Variants in FAM227A observed in about 807,000 individuals in gnomAD.
The protein encoded by FAM227A is protein FAM227A.
Under a neutral mutation model 74.7 loss-of-function variants are expected in FAM227A, and 80 were observed. The observed-to-expected ratio is 1.07, with a 90% CI of 0.89 to 1.29. The LOEUF is 1.29. FAM227A is among the 50% of genes most tolerant of loss of function. The probability of loss-of-function intolerance (pLI) is 0.00; values close to 1 mark genes in which losing one functional copy is unlikely to be tolerated. For missense variants in FAM227A, 654 were observed against 683.4 expected (o/e 0.96, Z 0.48); for synonymous variants, 237 against 241.8 (o/e 0.98, Z 0.19).
rs1316291557 is a variant in FAM227A at position 38,638,803 on chromosome 22, A to C, written c.315T>G (p.Ser105=). ...PEDKVKRQRK[S]QYSCKGSELR... is the part of the protein sequence containing the mutation. Reference sequence around the variant, plus strand: ...GTTCGGAGCCTTTGCAGGAATACTGAGATTTCCTTTGTCTCTTGACTGCAG... The same window carrying C: ...GTTCGGAGCCTTTGCAGGAATACTGCGATTTCCTTTGTCTCTTGACTGCAG... Residue 105 remains serine, a synonymous_variant, in exon 5 of 17, where the codon TCT becomes TCG. Coordinates refer to ENST00000535113, the MANE Select transcript of FAM227A (RefSeq NM_001013647.2). 4 of 1,539,836 alleles carry C rather than the reference A, an allele frequency of 2.6e-6. No homozygotes were observed. The highest frequency in any genetic ancestry group is 3.5e-6 in the Non-Finnish European group (4 of 1,143,532).
chr22:38,591,619 C>T, intron 15 of FAM227A, 79 bp from the exon 16 acceptor site: 1 of 949,584 alleles, frequency 1.1e-6, no homozygotes, highest in Non-Finnish European at 1.5e-6. Context: ...GTCCTATAAA[C>T]TGATAGATCC....
intron 11 of FAM227A, among the ~76,000 whole-genome samples, chr22:38,619,878 G>A (rs994914797): frequency 4.6e-5 from 7 of 152,134 alleles, no homozygotes; most frequent in South Asian, 2.1e-4. Context: ...TATCAGGGAT[G>A]ACTGCTAGGT....
intron 6 of FAM227A, among the ~76,000 whole-genome samples, chr22:38,634,673 C>G (rs1200105863): frequency 6.6e-6 from 1 of 152,164 alleles, no homozygotes; most frequent in African/African-American, 2.4e-5. Flanking sequence ...GTACACTGTC[C>G]TGTAGGGAAC....
At chr22:38,642,843 G>A (rs2092145192) in intron 3 of FAM227A, among the ~76,000 whole-genome samples, 1 of 152,154 alleles carries the variant, frequency 6.6e-6, no homozygotes, top group Non-Finnish European at 1.5e-5. Flanking sequence ...GGCTGAGGCA[G>A]GAGAATCGTT....
chr22:38,652,818 A>C (rs920104108), intron 1 of FAM227A, among the ~76,000 whole-genome samples: 1 of 146,480 alleles, frequency 6.8e-6, no homozygotes, highest in Non-Finnish European at 1.5e-5. Context: ...CGGGGCTTGC[A>C]GTGAGCCGAG....
At chr22:38,604,663 ATT>A (rs1184608911) in intron 13 of FAM227A, among the ~76,000 whole-genome samples, 1 of 151,660 alleles carries the variant, frequency 6.6e-6, no homozygotes, top group Admixed American at 6.6e-5. Context: ...TTTTTTATTT[ATT>A]TTTTTTGAGA....
chr22:38,630,109 C>T (rs962785126), intron 6 of FAM227A, among the ~76,000 whole-genome samples: 3 of 151,256 alleles, frequency 2.0e-5, no homozygotes, highest in Non-Finnish European at 4.4e-5. Flanking sequence ...TTAACCATCA[C>T]TCACACACAG....
Position 38,628,936 on chromosome 22 carries a change from C to T in FAM227A, c.520-1G>A, listed in dbSNP as rs1346514291. On this transcript the variant is annotated splice_acceptor_variant, in intron 6 of 16. Coordinates refer to ENST00000535113, the MANE Select transcript of FAM227A (RefSeq NM_001013647.2). LOFTEE classifies it high-confidence loss of function. Reference sequence around the variant, plus strand: ...CTAATTCTCTACCTGAACAGAAATGCTTGGAAAAAAAAATTCACAGTATTA... The same window carrying T: ...CTAATTCTCTACCTGAACAGAAATGTTTGGAAAAAAAAATTCACAGTATTA... 4 of 1,473,338 alleles carry T rather than the reference C, an allele frequency of 2.7e-6. No individual in the cohort carries two copies. In the Admixed American group the frequency reaches 9.8e-5, roughly 36 times the overall value. The allele number at this position is 1,473,338 out of a possible 1,614,324, so 91.3% of individuals were successfully genotyped here. A position where few individuals can be genotyped will look rare whatever the true frequency, so the allele number is the denominator to read the frequency against.
At chr22:38,626,888 AAAAATATATATATATAT>A (rs1310896971) in intron 8 of FAM227A, among the ~76,000 whole-genome samples, 29 of 107,348 alleles carry the variant, frequency 2.7e-4, no homozygotes, top group African/African-American at 1.1e-3. Context: ...AAAAAAAAAA[AAAAATATATATATATAT>A]ATATATATAC....
chr22:38,597,544 G>C (rs892018289), intron 14 of FAM227A, among the ~76,000 whole-genome samples, 188 bp from the exon 15 acceptor site: 5 of 152,148 alleles, frequency 3.3e-5, no homozygotes, highest in African/African-American at 1.2e-4. Context: ...ACCATGGCCT[G>C]CTTTGGAGGG....
chr22:38,651,033 G>C (rs1358203951), intron 1 of FAM227A, among the ~76,000 whole-genome samples: 1 of 152,068 alleles, frequency 6.6e-6, no homozygotes, highest in Non-Finnish European at 1.5e-5. Context: ...CTCTCCTCCG[G>C]TTCAGGCCTT....
At chr22:38,599,652 G>T (rs1285127016) in intron 14 of FAM227A, 112 bp downstream of exon 14, 2 of 972,434 alleles carry the variant, frequency 2.1e-6, no homozygotes, top group African/African-American at 1.7e-5. Context: ...GAGTACACAT[G>T]GTGTGCCAGG....
intron 13 of FAM227A, 121 bp from the exon 14 acceptor site, chr22:38,600,042 A>G: frequency 1.1e-6 from 1 of 943,616 alleles, no homozygotes. Context: ...TTTAGGATGC[A>G]CCCTAAGAAA....
intron 6 of FAM227A, among the ~76,000 whole-genome samples, chr22:38,631,927 TGTG>T (rs1311727838): frequency 6.6e-6 from 1 of 151,934 alleles, no homozygotes; most frequent in African/African-American, 2.4e-5. Flanking sequence ...GACAGGAAGT[TGTG>T]GTGCCTGAAC....
intron 6 of FAM227A, among the ~76,000 whole-genome samples, chr22:38,630,622 T>C (rs1330779666): frequency 6.6e-6 from 1 of 152,210 alleles, no homozygotes; most frequent in Non-Finnish European, 1.5e-5. Context: ...TACTAGTTAC[T>C]GATTGTTTAT....
chr22:38,616,728 CAAGAT>C (rs2091586107), intron 11 of FAM227A, among the ~76,000 whole-genome samples: 1 of 151,364 alleles, frequency 6.6e-6, no homozygotes, highest in South Asian at 2.1e-4. Flanking sequence ...GATGTGGAGT[CAAGAT>C]AAGAGATGAT....
chr22:38,583,104 C>T lies in FAM227A; in HGVS notation c.*3021G>A, dbSNP rs1406184025. On this transcript the variant is annotated 3_prime_UTR_variant, in exon 17 of 17. Transcript: ENST00000535113. Reference sequence around the variant, plus strand: ...AAAGGGAAGGTGAGAGAGTGTTCTGCTTATCTGCCCCACATGGTGCCTTGT... The same window carrying T: ...AAAGGGAAGGTGAGAGAGTGTTCTGTTTATCTGCCCCACATGGTGCCTTGT... The T allele has an allele frequency of 1.6e-5, 12 of 748,374 alleles. No homozygotes were observed. Among genetic ancestry groups the T allele is most frequent in the African/African-American group, 8.8e-5 (5 of 56,628 alleles). 46.4% of individuals were successfully genotyped at this position (748,374 alleles called of 1,614,324 possible). A position where few individuals can be genotyped will look rare whatever the true frequency, so the allele number is the denominator to read the frequency against.
chr22:38,588,660 C>T (rs745570723), intron 16 of FAM227A, among the ~76,000 whole-genome samples: 6 of 144,454 alleles, frequency 4.2e-5, no homozygotes, highest in Admixed American at 7.1e-5. Context: ...CAGTGGCTCA[C>T]GCCTGTAATC....
At chr22:38,586,281 C>T (rs1202592236) in intron 16 of FAM227A, 82 bp from the exon 17 acceptor site, 8 of 1,445,692 alleles carry the variant, frequency 5.5e-6, no homozygotes, top group Middle Eastern at 2.2e-4. Context: ...TGAGCAGTGG[C>T]GTGGCCAGTG....
Sources: gnomAD v4.1 joint callset for allele counts (sites outside exome capture counted in the v4.1 genomes callset) on GRCh38, gnomAD v4.1.1 for gene constraint, MANE v1.5 for transcripts, NCBI Gene and HGNC (gene_info 2026-07-23, HGNC 2026-07-21) for gene names.